The following ADGRL2 variants were observed in gnomAD, a reference collection of about 807,000 sequenced individuals.
The protein encoded by ADGRL2 is adhesion G protein-coupled receptor L2, also known as calcium-independent alpha-latrotoxin receptor 2.
In ADGRL2, 44 loss-of-function variants were observed where a neutral mutation model predicts 157.4. The ratio of observed to expected loss-of-function variants is 0.28; its 90% CI spans 0.22 to 0.36. The LOEUF (loss-of-function observed/expected upper bound fraction) is 0.36. Among genes scored for constraint, ADGRL2 ranks in the 10% least tolerant of loss-of-function variants. The probability of loss-of-function intolerance (pLI) is 1.00; values close to 1 mark genes in which losing one functional copy is unlikely to be tolerated. For missense variants in ADGRL2, 1,510 were observed against 1,768.9 expected, an observed-to-expected ratio of 0.85 and a Z score of 2.63; for synonymous variants, 585 against 624.7, an observed-to-expected ratio of 0.94 and a Z score of 0.95.
chr1:81,980,997 T>G (rs1360158664), intron 18 of ADGRL2: 11 of 426,036 alleles, frequency 2.6e-5, no homozygotes, highest in Admixed American at 4.1e-5. Flanking sequence ...TTTTAATTGC[T>G]TGCCTCTGCA....
chr1:81,408,018 G>A (rs1282412278), intron 1 of ADGRL2, among the ~76,000 whole-genome samples: 1 of 152,166 alleles, frequency 6.6e-6, no homozygotes, highest in Admixed American at 6.5e-5. Flanking sequence ...TATAGACAAT[G>A]AGGTTGTTAC....
intron 3 of ADGRL2, among the ~76,000 whole-genome samples, chr1:81,926,222 A>G (rs923108965): frequency 2.0e-5 from 3 of 152,044 alleles, no homozygotes; most frequent in Non-Finnish European, 2.9e-5. Context: ...TAGAGTATGA[A>G]AATCGAAATG....
rs570885713 is a variant in ADGRL2, at chr1:81,860,459, G to A, written c.73+23402G>A. On this transcript the variant is annotated intron_variant, in intron 2 of 23. Coordinates refer to ENST00000686636, the MANE Select transcript of ADGRL2 (RefSeq NM_001366006.2). ...CCCAAAGTGCTGGGATTCTAAGTGT[G>A]AGCCACTGCACCTGGCCTCAGGTCT... Among the ~76,000 whole-genome samples, 6 of 152,180 alleles carry A rather than the reference G, an allele frequency of 3.9e-5. No homozygotes were observed. In the East Asian group the frequency reaches 1.2e-3, roughly 29 times the overall value.
intron 1 of ADGRL2, among the ~76,000 whole-genome samples, chr1:81,397,823 T>G (rs1457229512): frequency 6.6e-6 from 1 of 152,190 alleles, no homozygotes; most frequent in Non-Finnish European, 1.5e-5. Context: ...TGTCTGGTAT[T>G]AGGTACATTT....
At chr1:81,806,057 T>C (rs1049700088) in intron 1 of ADGRL2, among the ~76,000 whole-genome samples, 2 of 152,074 alleles carry the variant, frequency 1.3e-5, no homozygotes, top group African/African-American at 4.8e-5. Context: ...TACTATGTGT[T>C]GGCAACAGAA....
At chr1:81,978,923 T>C (rs1042887971) in intron 17 of ADGRL2, among the ~76,000 whole-genome samples, 9 of 151,884 alleles carry the variant, frequency 5.9e-5, no homozygotes, top group Middle Eastern at 3.4e-3. Context: ...TGACTTTTTT[T>C]TCCTTTTAAA....
chr1:81,315,232 A>G (rs1660023687), intron 1 of ADGRL2, among the ~76,000 whole-genome samples: 1 of 152,156 alleles, frequency 6.6e-6, no homozygotes, highest in Admixed American at 6.6e-5. Context: ...AAAATTGATT[A>G]GAGGTAGAGA....
Position 81,953,019 on chromosome 1 carries a change from C to T in ADGRL2, c.1827C>T (p.Tyr609=). Residue 609 remains tyrosine, a synonymous_variant, in exon 10 of 24, where the codon TAC becomes TAT. Coordinates refer to ENST00000686636, the MANE Select transcript of ADGRL2 (RefSeq NM_001366006.2). Reference sequence around the variant, plus strand: ...AACGAGAGAAGACATGCAGGGCTTACCTTAAGGTATCTCTCCTGTGCTGTC... The same window carrying T: ...AACGAGAGAAGACATGCAGGGCTTATCTTAAGGTATCTCTCCTGTGCTGTC... ...LQKREKTCRA[Y]LKAIVDTVDN... 6.2e-7 allele frequency: 1 copy of T among 1,611,678 alleles called. No individual in the cohort carries two copies.
chr1:81,646,972 A>G (rs2082326640), intron 3 of ADGRL2, among the ~76,000 whole-genome samples: 1 of 152,232 alleles, frequency 6.6e-6, no homozygotes, highest in South Asian at 2.1e-4. Context: ...GTCAACAAAC[A>G]AAACAACATT....
intron 3 of ADGRL2, among the ~76,000 whole-genome samples, chr1:81,589,188 C>T (rs1208902795): frequency 6.6e-6 from 1 of 152,142 alleles, no homozygotes; most frequent in Non-Finnish European, 1.5e-5. Context: ...GTGGTAGGAC[C>T]AATGAACTCC....
At chr1:81,413,537 A>G (rs982333566) in intron 1 of ADGRL2, among the ~76,000 whole-genome samples, 17 of 152,186 alleles carry the variant, frequency 1.1e-4, no homozygotes, top group African/African-American at 4.1e-4. Flanking sequence ...TTAAGAATGT[A>G]ATTGCTAGAG....
intron 3 of ADGRL2, among the ~76,000 whole-genome samples, chr1:81,689,298 C>T (rs1329202534): frequency 1.3e-5 from 2 of 152,142 alleles, no homozygotes; most frequent in Non-Finnish European, 1.5e-5. Flanking sequence ...GCTAAAAGAA[C>T]ACCCAAAAGA....
chr1:81,614,446 G>C (rs929455035), intron 3 of ADGRL2, among the ~76,000 whole-genome samples: 2 of 152,166 alleles, frequency 1.3e-5, no homozygotes, highest in African/African-American at 4.8e-5. Context: ...AGAGGCTTCT[G>C]CAATCAGGCT....
At chr1:81,387,009 C>T (rs768758406) in intron 1 of ADGRL2, among the ~76,000 whole-genome samples, 1 of 152,090 alleles carries the variant, frequency 6.6e-6, no homozygotes, top group Non-Finnish European at 1.5e-5. Context: ...AAATATTAGA[C>T]AATCATGGCC....
intron 2 of ADGRL2, among the ~76,000 whole-genome samples, chr1:81,572,080 A>G (rs1036223816): frequency 6.6e-6 from 1 of 152,366 alleles, no homozygotes; most frequent in South Asian, 2.1e-4. Context: ...TAGAATGAAC[A>G]TTGACTTCAA....
chr1:81,716,692 G>C (rs2149102683), intron 1 of ADGRL2, among the ~76,000 whole-genome samples: 1 of 152,218 alleles, frequency 6.6e-6, no homozygotes. Context: ...CTAAGAACTA[G>C]ATTAATCCAG....
At chr1:81,873,803 A>G (rs2093759398) in intron 2 of ADGRL2, among the ~76,000 whole-genome samples, 2 of 152,182 alleles carry the variant, frequency 1.3e-5, no homozygotes, top group South Asian at 4.1e-4. Flanking sequence ...ACCAACAAAC[A>G]CATCCAAAGT....
At chr1:81,640,564 G>A (rs113773803) in intron 3 of ADGRL2, among the ~76,000 whole-genome samples, 19,372 of 151,516 alleles carry the variant, frequency 0.13, 1,714 homozygotes, top group Non-Finnish European at 0.18. Flanking sequence ...CCCGGGAGGC[G>A]GAGGTTGCAG....
At chr1:81,576,242 G>A (rs922293890) in intron 2 of ADGRL2, among the ~76,000 whole-genome samples, 1 of 151,988 alleles carries the variant, frequency 6.6e-6, no homozygotes, top group South Asian at 2.1e-4. Context: ...AGTTTTCTAG[G>A]TAATTAAAAT....
Sources: gnomAD v4.1 joint callset for allele counts (sites outside exome capture counted in the v4.1 genomes callset) on GRCh38, gnomAD v4.1.1 for gene constraint, MANE v1.5 for transcripts, NCBI Gene and HGNC (gene_info 2026-07-23, HGNC 2026-07-21) for gene names.